FRMD4A: variants seen among roughly 807,000 people sequenced by gnomAD.
FRMD4A encodes the protein FERM domain containing 4A.
A neutral mutation model predicts 129.1 loss-of-function variants in FRMD4A; 29 were observed. That is an observed-to-expected ratio of 0.22 (90% confidence interval 0.17 to 0.31). The LOEUF (loss-of-function observed/expected upper bound fraction) is 0.31, where lower values mean the gene tolerates loss of function less well. FRMD4A is among the 10% of genes least tolerant of loss of function. The probability of loss-of-function intolerance (pLI) is 1.00; values close to 1 mark genes in which losing one functional copy is unlikely to be tolerated. For missense variants in FRMD4A, 1,272 were observed against 1,375.8 expected (o/e 0.92, Z 1.19); for synonymous variants, 634 against 571.6 (o/e 1.11, Z -1.56).
At chr10:13,654,831 C>T (rs773671534) in intron 22 of FRMD4A, 28 of 400,606 alleles carry the variant, frequency 7.0e-5, no homozygotes, top group Admixed American at 2.5e-4. Context: ...GGGATGGTGA[C>T]GGTTTCTACA....
intron 15 of FRMD4A, among the ~76,000 whole-genome samples, chr10:13,691,200 C>T (rs1049205755): frequency 6.6e-6 from 1 of 152,214 alleles, no homozygotes; most frequent in African/African-American, 2.4e-5. Context: ...GTTAGCCAGG[C>T]TGGTCTCTAA....
chr10:13,792,064 C>A (rs897352976), intron 5 of FRMD4A, among the ~76,000 whole-genome samples: 23 of 151,956 alleles, frequency 1.5e-4, no homozygotes, highest in African/African-American at 5.3e-4. Flanking sequence ...CCAGTGTATC[C>A]CTTCAGAGTG....
rs577135652 is a variant in FRMD4A at position 14,304,569 on chromosome 10, G to A, written c.45+25489C>T. ...GTTAAAGAATGCTTGGATCGAGGAG[G>A]TGCCATTTCTCTCCTGTGGCCTGGG... is the stretch of plus-strand genomic sequence containing the variant. On this transcript the variant is annotated intron_variant, in intron 2 of 24. Transcript: ENST00000357447. Among the ~76,000 whole-genome samples, 12 of 152,286 alleles carry A rather than the reference G, an allele frequency of 7.9e-5. No individual in the cohort carries two copies. The South Asian group carries it at 2.5e-3, about 32-fold the overall frequency.
At chr10:13,998,184 A>G (rs559832902) in intron 2 of FRMD4A, among the ~76,000 whole-genome samples, 2 of 152,276 alleles carry the variant, frequency 1.3e-5, no homozygotes, top group African/African-American at 2.4e-5. Context: ...AGATGTTATC[A>G]TATAGTCCTC....
intron 8 of FRMD4A, among the ~76,000 whole-genome samples, chr10:13,755,441 T>C (rs1014071692): frequency 1.3e-5 from 2 of 152,212 alleles, no homozygotes; most frequent in South Asian, 2.1e-4. Flanking sequence ...GAGCACACCA[T>C]CCCATGGTTT....
intron 2 of FRMD4A, among the ~76,000 whole-genome samples, chr10:13,950,802 T>A (rs531049267): frequency 6.6e-6 from 1 of 152,358 alleles, no homozygotes; most frequent in Non-Finnish European, 1.5e-5. Context: ...TCAGCTCAGA[T>A]GTCATCATGT....
chr10:13,830,952 G>C lies in FRMD4A; in HGVS notation c.112-20044C>G, dbSNP rs554748634. 1.1e-4 allele frequency among the ~76,000 whole-genome samples: 16 copies of C among 152,280 alleles called. No individual in the cohort carries two copies. The East Asian group carries it at 3.1e-3, about 29-fold the overall frequency. ...TTACAGGCACCCACCACCAGGCCTGGCTAATTTTTGTATTTTTGGTAGAGA... is the reference window on the plus strand; with the variant it reads ...TTACAGGCACCCACCACCAGGCCTGCCTAATTTTTGTATTTTTGGTAGAGA... On this transcript the variant is annotated intron_variant, in intron 3 of 24. Coordinates refer to ENST00000357447, the MANE Select transcript of FRMD4A (RefSeq NM_018027.5).
chr10:14,268,882 T>C (rs1188468051), intron 2 of FRMD4A, among the ~76,000 whole-genome samples: 2 of 152,172 alleles, frequency 1.3e-5, no homozygotes, highest in African/African-American at 4.8e-5. Context: ...ACACTCCAAA[T>C]CAAATGGAAG....
chr10:14,132,336 G>A (rs1489399559), intron 2 of FRMD4A, among the ~76,000 whole-genome samples: 1 of 152,068 alleles, frequency 6.6e-6, no homozygotes, highest in Non-Finnish European at 1.5e-5. Flanking sequence ...ATCCAATCGT[G>A]GGAGCTCCCA....
rs12217974 is a variant in FRMD4A, at chr10:14,185,798, C to T, written c.45+144260G>A. The stretch of plus-strand genomic sequence containing the variant: ...CAGATACGTACAATCCAGACTAGTC[C>T]TGGGCGGAATAGGGTAGACAGGGCA... On this transcript the variant is annotated intron_variant, in intron 2 of 24. Transcript: ENST00000357447. Among the ~76,000 whole-genome samples, 87 of 152,232 alleles carry T rather than the reference C, an allele frequency of 5.7e-4. 1 individual carries two copies. The East Asian group carries it at 0.011, about 20-fold the overall frequency.
intron 2 of FRMD4A, among the ~76,000 whole-genome samples, chr10:14,006,205 G>C (rs755096041): frequency 3.9e-5 from 6 of 152,186 alleles, no homozygotes; most frequent in Non-Finnish European, 7.3e-5. Context: ...TTGCTCTGGA[G>C]GGTGAGGTGC....
intron 2 of FRMD4A, among the ~76,000 whole-genome samples, chr10:14,329,193 C>T (rs1843410574): frequency 6.6e-6 from 1 of 152,168 alleles, no homozygotes; most frequent in South Asian, 2.1e-4. Flanking sequence ...ATGCTTGGTT[C>T]ATAAAATCTC....
intron 2 of FRMD4A, among the ~76,000 whole-genome samples, chr10:14,154,492 C>A (rs989612853): frequency 9.9e-5 from 15 of 152,140 alleles, no homozygotes; most frequent in African/African-American, 3.6e-4. Context: ...TTATTTTTAT[C>A]TTAACTTTAG....
chr10:14,142,111 A>T (rs1839865925), intron 2 of FRMD4A, among the ~76,000 whole-genome samples: 1 of 151,696 alleles, frequency 6.6e-6, no homozygotes, highest in African/African-American at 2.4e-5. Flanking sequence ...AAATAGAAAA[A>T]CATTTTTATT....
At chr10:14,117,071 A>C (rs1838235207) in intron 2 of FRMD4A, among the ~76,000 whole-genome samples, 1 of 152,220 alleles carries the variant, frequency 6.6e-6, no homozygotes, top group Admixed American at 6.5e-5. Flanking sequence ...GGGCTGTTCC[A>C]TGTCAGTGAC....
At chr10:13,844,024 GTACT>G (rs972573028) in intron 3 of FRMD4A, among the ~76,000 whole-genome samples, 43 of 152,188 alleles carry the variant, frequency 2.8e-4, no homozygotes, top group African/African-American at 8.4e-4. Context: ...TACTGTAGTT[GTACT>G]AAGGGCTAAG....
chr10:14,087,355 A>C (rs1186001865), intron 2 of FRMD4A, among the ~76,000 whole-genome samples: 1 of 147,688 alleles, frequency 6.8e-6, no homozygotes, highest in African/African-American at 2.5e-5. Context: ...TATATTATAA[A>C]ATTATATTTA....
chr10:13,651,151 T>C (rs2081545010), intron 24 of FRMD4A: 1 of 152,240 alleles, frequency 6.6e-6, no homozygotes, highest in African/African-American at 2.4e-5. Flanking sequence ...TTAGGTTCAG[T>C]AGGCCAGGGT....
chr10:14,013,670 G>T (rs917400980), intron 2 of FRMD4A, among the ~76,000 whole-genome samples: 2 of 152,188 alleles, frequency 1.3e-5, no homozygotes, highest in African/African-American at 4.8e-5. Flanking sequence ...GGTGACTCAT[G>T]CCTGTAATCC....
Sources: gnomAD v4.1 joint callset for allele counts (sites outside exome capture counted in the v4.1 genomes callset) on GRCh38, gnomAD v4.1.1 for gene constraint, MANE v1.5 for transcripts, NCBI Gene and HGNC (gene_info 2026-07-23, HGNC 2026-07-21) for gene names.